Variants in ZNF829 observed in about 807,000 individuals in gnomAD.
The protein encoded by ZNF829 is zinc finger protein 829.
Under a neutral mutation model 35.2 loss-of-function variants are expected in ZNF829, and 25 were observed. The observed-to-expected ratio is 0.71, with a 90% CI of 0.52 to 0.99. The LOEUF is 0.99. Ranked by LOEUF, ZNF829 falls within the 50% of genes least tolerant of loss-of-function variation. ZNF829 has a pLI of 0.00. For missense variants in ZNF829, 417 were observed against 515.3 expected, an observed-to-expected ratio of 0.81 and a Z score of 1.85; for synonymous variants, 136 against 163.2, an observed-to-expected ratio of 0.83 and a Z score of 1.27.
chr19:36,915,664 C>T (rs1047196212), intron 1 of ZNF829: 2 of 609,892 alleles, frequency 3.3e-6, no homozygotes, highest in East Asian at 5.8e-5. Context: ...GTGGTGCGAT[C>T]TCGGCTCACT....
chr19:36,890,955 G>A lies in ZNF829; in HGVS notation c.*537C>T, dbSNP rs2073045096. On this transcript the variant is annotated 3_prime_UTR_variant, in exon 6 of 6. Transcript: ENST00000391711. ...TCATTCTAACAGGGTATTATGGGTTGAACTGTATCCCCTAAAAAGATATGC... is the reference window on the plus strand; with the variant it reads ...TCATTCTAACAGGGTATTATGGGTTAAACTGTATCCCCTAAAAAGATATGC... 1 of 152,484 alleles carries A rather than the reference G, an allele frequency of 6.6e-6. No individual in the cohort carries two copies. The highest frequency in any genetic ancestry group is 2.1e-4 in the South Asian group (1 of 4,832). 9.4% of individuals were successfully genotyped at this position (152,484 alleles called of 1,614,324 possible).
At position 36,890,734 on chromosome 19, in the gene ZNF829, T is replaced by TA. The variant is rs2073042802; in HGVS notation, c.*757dup. ...AGCCGGGCATGGTGGCGCATGCCTG[T>TA]AATCCCAACTACTTGAGAGGCTGAG... On this transcript the variant is annotated 3_prime_UTR_variant, in exon 6 of 6. Coordinates refer to ENST00000391711, the MANE Select transcript of ZNF829 (RefSeq NM_001037232.4). The TA allele has an allele frequency of 6.7e-6, 1 of 149,950 alleles. No homozygotes were observed. The highest frequency in any genetic ancestry group is 6.7e-5 in the Admixed American group (1 of 15,018). 9.3% of individuals were successfully genotyped at this position (149,950 alleles called of 1,614,324 possible). A position where few individuals can be genotyped will look rare whatever the true frequency, so the allele number is the denominator to read the frequency against.
chr19:36,893,382 T>G (rs16971758), intron 5 of ZNF829, among the ~76,000 whole-genome samples: 251 of 152,258 alleles, frequency 1.6e-3, no homozygotes, highest in African/African-American at 5.6e-3. Context: ...GGCTCAAGTT[T>G]GAGACACAAG....
rs930603104 is a variant in ZNF829, at chr19:36,892,155, A to T, written c.636T>A (p.Tyr212Ter). 1.9e-6 allele frequency: 3 copies of T among 1,614,134 alleles called. No homozygotes were observed. Among genetic ancestry groups the T allele is most frequent in the Non-Finnish European group, 2.5e-6 (3 of 1,180,002 alleles). The change falls in exon 6 of 6, where the codon TAT becomes TAA. Residue 212 changes from tyrosine (Y) to a stop codon, truncating the protein, a stop_gained. Coordinates refer to ENST00000391711, the MANE Select transcript of ZNF829 (RefSeq NM_001037232.4). LOFTEE classifies it high-confidence loss of function. ...AAGCCTTGCCACATTCCTTACATTC[A>T]TAGGGTTTTTTACCAGTGTGAATCC... ...HQRIHTGKKP[Y>*]ECKECGKAFS...
chr19:36,908,688 T>A (rs908793977), intron 3 of ZNF829, among the ~76,000 whole-genome samples: 1 of 152,184 alleles, frequency 6.6e-6, no homozygotes, highest in African/African-American at 2.4e-5. Context: ...CCGCTTTCCC[T>A]TTATGCCCCA....
intron 3 of ZNF829, among the ~76,000 whole-genome samples, chr19:36,913,660 G>A (rs996036016): frequency 6.6e-6 from 1 of 151,832 alleles, no homozygotes; most frequent in Non-Finnish European, 1.5e-5. Context: ...AACCTGAGAA[G>A]GAAAGGGGGA....
At chr19:36,898,483 A>G (rs1437185139) in intron 5 of ZNF829, among the ~76,000 whole-genome samples, 1 of 152,208 alleles carries the variant, frequency 6.6e-6, no homozygotes, top group Non-Finnish European at 1.5e-5. Context: ...CTGAAATGCC[A>G]GTCAGTTTTT....
chr19:36,908,886 C>T (rs949882954), intron 3 of ZNF829, among the ~76,000 whole-genome samples: 1 of 152,074 alleles, frequency 6.6e-6, no homozygotes, highest in Non-Finnish European at 1.5e-5. Context: ...TAAGAAAAAA[C>T]CAAGCAATTC....
Position 36,898,498 on chromosome 19 carries a change from G to T in ZNF829, c.320-6027C>A, listed in dbSNP as rs924873800. 2.0e-5 allele frequency among the ~76,000 whole-genome samples: 3 copies of T among 151,966 alleles called. No individual in the cohort carries two copies. In the South Asian group the frequency reaches 6.2e-4, roughly 31 times the overall value. ...CTGAAATGCCAGTCAGTTTTTACAT[G>T]AACAGGAAAAAAAATCCTAAAATTT... On this transcript the variant is annotated intron_variant, in intron 5 of 5. Coordinates refer to ENST00000391711, the MANE Select transcript of ZNF829 (RefSeq NM_001037232.4).
In ZNF829 at chr19:36,907,916, A is replaced by G. The variant is rs1220267880; in HGVS notation, c.319+13T>C. On this transcript the variant is annotated intron_variant, in intron 5 of 5. Coordinates refer to ENST00000391711, the MANE Select transcript of ZNF829 (RefSeq NM_001037232.4). ...TTTATAGCCCTGCTCCTGAGCCATC[A>G]TCTCTTACTTACCTGAACACAGGCC... The G allele has an allele frequency of 2.5e-6, 4 of 1,609,220 alleles. No homozygotes were observed. The African/African-American group carries it at 5.4e-5, about 22-fold the overall frequency.
At chr19:36,899,751 C>A (rs2073145785) in intron 5 of ZNF829, among the ~76,000 whole-genome samples, 1 of 134,470 alleles carries the variant, frequency 7.4e-6, no homozygotes. Flanking sequence ...AGTACTCTTA[C>A]CCTAAACAAA....
intron 5 of ZNF829, among the ~76,000 whole-genome samples, chr19:36,902,526 T>C (rs2073177286): frequency 6.6e-6 from 1 of 152,026 alleles, no homozygotes; most frequent in Non-Finnish European, 1.5e-5. Flanking sequence ...TCCCAGCTAC[T>C]AGGGAGACTG....
Position 36,892,412 on chromosome 19 carries a change from C to T in ZNF829, c.379G>A (p.Val127Ile), listed in dbSNP as rs765481709. The stretch of plus-strand genomic sequence containing the variant: ...GACATGTCTTCACGGGTAATTATTA[C>T]TTGACTGAAATGTCTCTTCTTTAGA... ...LSLKKRHFSQ[V>I]IITREDMSTF... The change falls in exon 6 of 6, where the codon GTA becomes ATA. Residue 127 changes from valine to isoleucine, a missense_variant. By Grantham distance (29) the Val-to-Ile change is conservative. Coordinates refer to ENST00000391711, the MANE Select transcript of ZNF829 (RefSeq NM_001037232.4). 5 of 1,610,522 alleles carry T rather than the reference C, an allele frequency of 3.1e-6. No homozygotes were observed. The African/African-American group carries it at 5.3e-5, about 17-fold the overall frequency.
chr19:36,898,721 G>A (rs757553099), intron 5 of ZNF829, among the ~76,000 whole-genome samples: 1 of 152,102 alleles, frequency 6.6e-6, no homozygotes, highest in East Asian at 1.9e-4. Flanking sequence ...GTCAACTGAT[G>A]GTTGACAAAG....
chr19:36,911,344 T>C (rs935464612), intron 3 of ZNF829, among the ~76,000 whole-genome samples: 2 of 152,042 alleles, frequency 1.3e-5, no homozygotes, highest in Non-Finnish European at 2.9e-5. Flanking sequence ...CCTGAGTAGC[T>C]GGGACCACAG....
intron 5 of ZNF829, among the ~76,000 whole-genome samples, chr19:36,905,193 G>A (rs902167763): frequency 2.0e-5 from 3 of 152,026 alleles, no homozygotes; most frequent in African/African-American, 7.3e-5. Flanking sequence ...TTATCCTGTA[G>A]AAATTATTTA....
At chr19:36,899,119 T>A (rs2073138603) in intron 5 of ZNF829, among the ~76,000 whole-genome samples, 1 of 152,138 alleles carries the variant, frequency 6.6e-6, no homozygotes, top group Admixed American at 6.6e-5. Flanking sequence ...GAGAAGGGAC[T>A]AATATCCAGA....
intron 4 of ZNF829, 89 bp downstream of exon 4, chr19:36,908,244 A>C: frequency 6.7e-7 from 1 of 1,503,704 alleles, no homozygotes; most frequent in Non-Finnish European, 9.0e-7. Flanking sequence ...GCAGAAATTC[A>C]GCTGGTTACA....
At chr19:36,893,700 A>G (rs969847074) in intron 5 of ZNF829, among the ~76,000 whole-genome samples, 2 of 152,204 alleles carry the variant, frequency 1.3e-5, no homozygotes, top group African/African-American at 4.8e-5. Context: ...GACTATCTTA[A>G]GTATTCCCTC....
Sources: allele counts gnomAD v4.1 joint callset (sites outside exome capture counted in the v4.1 genomes callset), GRCh38; gene constraint gnomAD v4.1.1; transcripts MANE v1.5; gene names NCBI Gene and HGNC (gene_info 2026-07-23, HGNC 2026-07-21).